The following TTC7B variants were observed in gnomAD, a reference collection of about 807,000 sequenced individuals.
TTC7B encodes the protein tetratricopeptide repeat protein 7B.
TTC7B carries 28 observed loss-of-function variants against 106.8 expected under a neutral mutation model. That is an observed-to-expected ratio of 0.26 (90% CI 0.19 to 0.36). The LOEUF is 0.36. Ranked by LOEUF, TTC7B falls within the 10% of genes least tolerant of loss-of-function variation. The pLI, the probability that TTC7B is intolerant of heterozygous loss-of-function variation, is 1.00. For missense variants in TTC7B, 862 were observed against 1,076.4 expected (o/e 0.80, Z 2.79); for synonymous variants, 405 against 430.6 (o/e 0.94, Z 0.74).
intron 1 of TTC7B, among the ~76,000 whole-genome samples, chr14:90,787,920 T>C (rs1891447635): frequency 6.6e-6 from 1 of 152,126 alleles, no homozygotes; most frequent in South Asian, 2.1e-4. Context: ...CCCAACACTT[T>C]GGGAGGCTGA....
At chr14:90,696,727 C>G (rs1887764570) in intron 5 of TTC7B, among the ~76,000 whole-genome samples, 2 of 152,190 alleles carry the variant, frequency 1.3e-5, no homozygotes, top group African/African-American at 4.8e-5. Context: ...TACATAAATA[C>G]TCCCATAGTC....
intron 13 of TTC7B, chr14:90,648,453 G>A (rs1885568416): frequency 6.6e-6 from 1 of 152,410 alleles, no homozygotes; most frequent in Non-Finnish European, 1.5e-5. Flanking sequence ...CAGGGCCCAA[G>A]CGATCCTCCC....
At chr14:90,710,727 C>A (rs569582524) in intron 5 of TTC7B, among the ~76,000 whole-genome samples, 1 of 152,178 alleles carries the variant, frequency 6.6e-6, no homozygotes, top group Non-Finnish European at 1.5e-5. Flanking sequence ...AACGCTCAGA[C>A]GACTGAGCAT....
chr14:90,699,226 G>A, intron 5 of TTC7B: 1 of 455,874 alleles, frequency 2.2e-6, no homozygotes, highest in Non-Finnish European at 4.4e-6. Flanking sequence ...CTGTCCCTCT[G>A]TGATCAAACC....
chr14:90,622,300 G>A (rs1396831777), intron 15 of TTC7B, among the ~76,000 whole-genome samples: 1 of 151,848 alleles, frequency 6.6e-6, no homozygotes, highest in Non-Finnish European at 1.5e-5. Context: ...TGTATTTTTA[G>A]TAAAGACAGG....
intron 17 of TTC7B, chr14:90,603,436 T>C (rs1892513170): frequency 1.9e-6 from 1 of 532,322 alleles, no homozygotes; most frequent in Admixed American, 3.7e-5. Context: ...GAATCATATT[T>C]CCATTCAAGA....
chr14:90,676,472 C>T (rs45517739), intron 9 of TTC7B, 51 bp downstream of exon 9: 265,772 of 1,596,954 alleles, frequency 0.17, 23,443 homozygotes, highest in Middle Eastern at 0.19. Flanking sequence ...CTGGGGTCAC[C>T]GTGCAACTGC....
At chr14:90,627,363 C>G (rs1451945730) in intron 15 of TTC7B, among the ~76,000 whole-genome samples, 1 of 152,134 alleles carries the variant, frequency 6.6e-6, no homozygotes, top group African/African-American at 2.4e-5. Flanking sequence ...GGGACACTCA[C>G]AGGGCGTTCC....
chr14:90,555,256 C>G (rs929776911), intron 19 of TTC7B, among the ~76,000 whole-genome samples: 4 of 152,188 alleles, frequency 2.6e-5, no homozygotes, highest in Non-Finnish European at 4.4e-5. Flanking sequence ...GGAGAAGCTC[C>G]GAGGACATGA....
intron 3 of TTC7B, among the ~76,000 whole-genome samples, chr14:90,763,499 T>C (rs1025226455): frequency 3.3e-5 from 5 of 152,154 alleles, no homozygotes; most frequent in Admixed American, 1.3e-4. Context: ...GTACTGGAGA[T>C]ACTATCCAGC....
intron 6 of TTC7B, 74 bp downstream of exon 6, chr14:90,695,426 T>TA (rs1887706981): frequency 6.6e-6 from 5 of 761,498 alleles, no homozygotes; most frequent in South Asian, 2.6e-5. Context: ...TACATAAATG[T>TA]AAAAAAATAT....
chr14:90,560,903 G>A (rs1329421190), intron 19 of TTC7B, among the ~76,000 whole-genome samples: 1 of 152,236 alleles, frequency 6.6e-6, no homozygotes, highest in Non-Finnish European at 1.5e-5. Flanking sequence ...ATATCAGGCA[G>A]CAGGTAAAGA....
chr14:90,617,917 C>T lies in TTC7B; in HGVS notation c.1868+12G>A. 6.2e-7 allele frequency: 1 copy of T among 1,607,240 alleles called. No individual in the cohort carries two copies. The highest frequency in any genetic ancestry group is 8.5e-7 in the Non-Finnish European group (1 of 1,174,102). ...CAAAAGCCACGCAAAGCAGGCCCTG[C>T]TGGCCTCTTACCTGGGGTTGGTGAG... On this transcript the variant is annotated intron_variant, in intron 16 of 19. Transcript: ENST00000328459.
intron 1 of TTC7B, among the ~76,000 whole-genome samples, chr14:90,810,060 C>A (rs1458706609): frequency 6.6e-6 from 1 of 152,188 alleles, no homozygotes; most frequent in Non-Finnish European, 1.5e-5. Context: ...AAATCCAGGA[C>A]TCTCTAAAAA....
chr14:90,653,824 C>G (rs549537527), intron 12 of TTC7B, among the ~76,000 whole-genome samples: 4 of 152,234 alleles, frequency 2.6e-5, no homozygotes, highest in Non-Finnish European at 5.9e-5. Flanking sequence ...GAAAAGGAAG[C>G]CCCATAGGGT....
chr14:90,746,483 T>C (rs1889972148), intron 3 of TTC7B, among the ~76,000 whole-genome samples: 1 of 152,214 alleles, frequency 6.6e-6, no homozygotes, highest in African/African-American at 2.4e-5. Context: ...CAGAGGTTTA[T>C]CAATTTTACT....
chr14:90,760,769 C>T (rs980670554), intron 3 of TTC7B, among the ~76,000 whole-genome samples: 1 of 152,208 alleles, frequency 6.6e-6, no homozygotes, highest in African/African-American at 2.4e-5. Context: ...GAGCTTCAGC[C>T]ACTCCTGGGT....
intron 15 of TTC7B, among the ~76,000 whole-genome samples, chr14:90,633,253 C>CTAT (rs1884779209): frequency 6.6e-6 from 1 of 152,252 alleles, no homozygotes; most frequent in East Asian, 1.9e-4. Flanking sequence ...CTTAAGTGTG[C>CTAT]TATTGATTTG....
At chr14:90,671,440 A>G (rs1318238867) in intron 9 of TTC7B, among the ~76,000 whole-genome samples, 1 of 152,236 alleles carries the variant, frequency 6.6e-6, no homozygotes, top group Non-Finnish European at 1.5e-5. Context: ...AAAGGACCCC[A>G]TAATATCCTG....
Sources: allele counts gnomAD v4.1 joint callset (sites outside exome capture counted in the v4.1 genomes callset), GRCh38; gene constraint gnomAD v4.1.1; transcripts MANE v1.5; gene names NCBI Gene and HGNC (gene_info 2026-07-23, HGNC 2026-07-21).